The following DGKI variants were observed in gnomAD, a reference collection of about 807,000 sequenced individuals.
DGKI encodes DAG kinase iota.
DGKI carries 55 observed loss-of-function variants against 147.5 expected under a neutral mutation model. That is an observed-to-expected ratio of 0.37 (90% confidence interval 0.30 to 0.47). DGKI has a LOEUF of 0.47. Among genes scored for constraint, DGKI ranks in the 20% least tolerant of loss-of-function variants. The pLI is 1.00. For synonymous variants in DGKI, 469 were observed against 477.1 expected, an observed-to-expected ratio of 0.98 and a Z score of 0.22; for missense variants, 1,007 against 1,323.8, an observed-to-expected ratio of 0.76 and a Z score of 3.71.
intron 2 of DGKI, among the ~76,000 whole-genome samples, chr7:137,681,882 G>C (rs1403337579): frequency 2.0e-5 from 3 of 152,242 alleles, no homozygotes; most frequent in African/African-American, 7.2e-5. Context: ...ACCCCCAGAG[G>C]GGCTAGAGGC....
intron 1 of DGKI, among the ~76,000 whole-genome samples, chr7:137,746,397 T>A (rs1795332391): frequency 6.6e-6 from 1 of 152,168 alleles, no homozygotes; most frequent in Non-Finnish European, 1.5e-5. Context: ...CATGGTGGCA[T>A]GATTTGCGCA....
At chr7:137,416,721 G>A (rs1235683084) in intron 28 of DGKI, among the ~76,000 whole-genome samples, 1 of 152,070 alleles carries the variant, frequency 6.6e-6, no homozygotes, top group African/African-American at 2.4e-5. Flanking sequence ...TCTCCCCATA[G>A]CCAACATTAT....
At chr7:137,797,416 G>A (rs192741383) in intron 1 of DGKI, among the ~76,000 whole-genome samples, 243 of 152,224 alleles carry the variant, frequency 1.6e-3, no homozygotes, top group Non-Finnish European at 3.0e-3. Flanking sequence ...GTATTAATAA[G>A]TTTTGTTTAT....
In DGKI at chr7:137,521,667, A is replaced by G. The variant is rs574796584; in HGVS notation, c.2248+199T>C. On this transcript the variant is annotated intron_variant, in intron 21 of 32. Transcript: ENST00000614521. ...CATCCACAGCAGAATGATTTTATTC[A>G]GCTGCTTTCCTTTTCCAGTTCCTTT... 1.1e-4 allele frequency among the ~76,000 whole-genome samples: 17 copies of G among 152,252 alleles called. No individual in the cohort carries two copies. The South Asian group carries it at 3.3e-3, about 30-fold the overall frequency.
At chr7:137,642,657 T>C (rs373481688) in intron 6 of DGKI, among the ~76,000 whole-genome samples, 7 of 152,288 alleles carry the variant, frequency 4.6e-5, no homozygotes, top group Middle Eastern at 3.4e-3. Context: ...TTAAAGGAAC[T>C]GAGCAATTAA....
At position 137,767,541 on chromosome 7, in the gene DGKI, G is replaced by T. The variant is rs545165385; in HGVS notation, c.402-77539C>A. 6.5e-5 allele frequency among the ~76,000 whole-genome samples: 6 copies of T among 91,720 alleles called. No homozygotes were observed. The South Asian group carries it at 1.9e-3, about 29-fold the overall frequency. 60.2% of individuals were successfully genotyped at this position (91,720 alleles called of 152,430 possible). ...AGAAGAGAAGAGAAGAGTAGAGTAGGAGGAAGAGGAAGAGAAGAGAAGAGA... is the reference window on the plus strand; with the variant it reads ...AGAAGAGAAGAGAAGAGTAGAGTAGTAGGAAGAGGAAGAGAAGAGAAGAGA... On this transcript the variant is annotated intron_variant, in intron 1 of 32. Coordinates refer to ENST00000614521, the MANE Select transcript of DGKI (RefSeq NM_001321708.2).
intron 1 of DGKI, among the ~76,000 whole-genome samples, chr7:137,742,558 C>A (rs908321853): frequency 6.6e-5 from 10 of 152,104 alleles, no homozygotes; most frequent in African/African-American, 2.2e-4. Context: ...AATATGCAGA[C>A]CCATGTGCAC....
intron 1 of DGKI, among the ~76,000 whole-genome samples, chr7:137,760,383 C>A (rs542590769): frequency 2.6e-5 from 4 of 152,288 alleles, no homozygotes; most frequent in African/African-American, 9.6e-5. Context: ...AACAAGCTGG[C>A]TCTGCTCCAG....
chr7:137,520,379 T>C lies in DGKI; in HGVS notation c.2248+1487A>G, dbSNP rs147601683. ...CCTTTAGAACTCAATTTAATTTGCA[T>C]TGTAGCTACACTTCCCATCGCAAAA... On this transcript the variant is annotated intron_variant, in intron 21 of 32. Transcript: ENST00000614521. Among the ~76,000 whole-genome samples, 480 of 152,232 alleles carry C rather than the reference T, an allele frequency of 3.2e-3. 1 individual carries two copies. Among genetic ancestry groups the C allele is most frequent in the African/African-American group, 0.01 (434 of 41,590 alleles).
intron 1 of DGKI, among the ~76,000 whole-genome samples, chr7:137,788,408 G>T (rs937853844): frequency 1.3e-5 from 2 of 151,792 alleles, no homozygotes; most frequent in Admixed American, 1.3e-4. Flanking sequence ...TTCTAAACTG[G>T]AACACTCAAT....
intron 1 of DGKI, among the ~76,000 whole-genome samples, chr7:137,797,509 G>C (rs1797069653): frequency 6.6e-6 from 1 of 152,048 alleles, no homozygotes; most frequent in Non-Finnish European, 1.5e-5. Flanking sequence ...GTGTAAAGAG[G>C]TCATTGATAT....
chr7:137,678,951 G>C (rs10270098), intron 2 of DGKI, among the ~76,000 whole-genome samples: 8,311 of 152,236 alleles, frequency 0.055, 700 homozygotes, highest in African/African-American at 0.18. Context: ...CCTCTAAATA[G>C]TTCGATGTCA....
chr7:137,745,066 A>G (rs1180413919), intron 1 of DGKI, among the ~76,000 whole-genome samples: 1 of 152,216 alleles, frequency 6.6e-6, no homozygotes, highest in Non-Finnish European at 1.5e-5. Flanking sequence ...CCCATGTAAC[A>G]AATCTATACA....
intron 1 of DGKI, among the ~76,000 whole-genome samples, chr7:137,834,994 C>T (rs896075715): frequency 2.0e-5 from 3 of 152,204 alleles, no homozygotes; most frequent in South Asian, 2.1e-4. Context: ...ATAAACTGAG[C>T]TCCATGAATT....
At chr7:137,769,266 T>G (rs888350656) in intron 1 of DGKI, among the ~76,000 whole-genome samples, 1 of 152,106 alleles carries the variant, frequency 6.6e-6, no homozygotes, top group African/African-American at 2.4e-5. Context: ...GAGGGTAAAG[T>G]TCTGTAAGAA....
chr7:137,756,596 T>C (rs1563183330), intron 1 of DGKI, among the ~76,000 whole-genome samples: 1 of 152,362 alleles, frequency 6.6e-6, no homozygotes, highest in East Asian at 1.9e-4. Flanking sequence ...TAAAGAGCTT[T>C]ATATGCTAAA....
At chr7:137,750,628 G>A (rs1243945221) in intron 1 of DGKI, among the ~76,000 whole-genome samples, 3 of 152,228 alleles carry the variant, frequency 2.0e-5, no homozygotes, top group Non-Finnish European at 4.4e-5. Context: ...ATCAGCATCT[G>A]TATAAAGATA....
At chr7:137,487,495 C>T in intron 22 of DGKI, 115 bp downstream of exon 22, 1 of 931,876 alleles carries the variant, frequency 1.1e-6, no homozygotes, top group Non-Finnish European at 1.7e-6. Context: ...GACAAAGCCA[C>T]CACATTTCCA....
chr7:137,761,267 T>C (rs1053282573), intron 1 of DGKI, among the ~76,000 whole-genome samples: 11 of 152,222 alleles, frequency 7.2e-5, no homozygotes, highest in African/African-American at 1.4e-4. Context: ...TAACAAGTGA[T>C]TGTGGTGGTC....
Sources: gnomAD v4.1 joint callset for allele counts (sites outside exome capture counted in the v4.1 genomes callset) on GRCh38, gnomAD v4.1.1 for gene constraint, MANE v1.5 for transcripts, NCBI Gene and HGNC (gene_info 2026-07-23, HGNC 2026-07-21) for gene names.